Variants in TDRD3 observed in about 807,000 individuals in gnomAD.
TDRD3 encodes tudor domain-containing protein 3.
Under a neutral mutation model 86.7 loss-of-function variants are expected in TDRD3, and 45 were observed. The ratio of observed to expected loss-of-function variants is 0.52; its 90% CI spans 0.41 to 0.67. TDRD3 has a LOEUF of 0.67. TDRD3 is among the 30% of genes least tolerant of loss of function. The pLI, the probability that TDRD3 is intolerant of heterozygous loss-of-function variation, is 0.00. For missense variants in TDRD3, 814 were observed against 889.0 expected (o/e 0.92, Z 1.07); for synonymous variants, 298 against 301.7 (o/e 0.99, Z 0.13).
At chr13:60,538,311 T>A (rs941756787) in intron 12 of TDRD3, among the ~76,000 whole-genome samples, 3 of 152,032 alleles carry the variant, frequency 2.0e-5, no homozygotes, top group Non-Finnish European at 4.4e-5. Flanking sequence ...TAAATTCTAA[T>A]TATCTTCAAA....
chr13:60,563,614 C>A (rs1355071786), intron 12 of TDRD3, among the ~76,000 whole-genome samples: 2 of 152,182 alleles, frequency 1.3e-5, no homozygotes, highest in Admixed American at 6.5e-5. Flanking sequence ...AATAACAACT[C>A]CTTCCAGGGA....
intron 12 of TDRD3, among the ~76,000 whole-genome samples, chr13:60,559,339 G>A (rs1487477134): frequency 6.6e-6 from 1 of 152,146 alleles, no homozygotes; most frequent in Non-Finnish European, 1.5e-5. Flanking sequence ...TGCCAGTGCT[G>A]TGATATAGTA....
chr13:60,445,358 AAT>A (rs890876793), intron 3 of TDRD3, among the ~76,000 whole-genome samples: 2 of 152,216 alleles, frequency 1.3e-5, no homozygotes, highest in Non-Finnish European at 2.9e-5. Context: ...CTTTGTAAAT[AAT>A]TATATACGTG....
At chr13:60,505,368 T>C (rs769308282) in intron 8 of TDRD3, among the ~76,000 whole-genome samples, 5 of 152,228 alleles carry the variant, frequency 3.3e-5, no homozygotes, top group Non-Finnish European at 7.3e-5. Context: ...GCAAATCTGC[T>C]GTAGCCAGAC....
intron 12 of TDRD3, among the ~76,000 whole-genome samples, chr13:60,547,850 C>T (rs1042633775): frequency 6.6e-6 from 1 of 152,130 alleles, no homozygotes; most frequent in African/African-American, 2.4e-5. Context: ...TTAACCTTCC[C>T]ACTCTCACCT....
At chr13:60,480,201 C>A (rs553922723) in intron 5 of TDRD3, among the ~76,000 whole-genome samples, 1 of 152,078 alleles carries the variant, frequency 6.6e-6, no homozygotes, top group East Asian at 1.9e-4. Context: ...GTAATAAATC[C>A]CCTTAGCATT....
chr13:60,453,566 T>G (rs917105671), intron 3 of TDRD3, among the ~76,000 whole-genome samples: 22 of 152,170 alleles, frequency 1.4e-4, no homozygotes, highest in African/African-American at 4.6e-4. Flanking sequence ...GGAAGTGCAA[T>G]TCTAGAAAAG....
At chr13:60,538,345 C>A (rs1287486500) in intron 12 of TDRD3, among the ~76,000 whole-genome samples, 1 of 148,930 alleles carries the variant, frequency 6.7e-6, no homozygotes, top group African/African-American at 2.5e-5. Flanking sequence ...CTTTTGTTGT[C>A]ATCCCTGATT....
chr13:60,400,363 T>G (rs1954060543), intron 1 of TDRD3, among the ~76,000 whole-genome samples: 1 of 152,176 alleles, frequency 6.6e-6, no homozygotes, highest in Admixed American at 6.5e-5. Context: ...ATTTTGAATT[T>G]TTCTCTTCCA....
intron 10 of TDRD3, among the ~76,000 whole-genome samples, chr13:60,515,180 G>C (rs984977878): frequency 7.2e-5 from 11 of 152,304 alleles, no homozygotes; most frequent in Admixed American, 3.3e-4. Flanking sequence ...AATCAGATTT[G>C]ATCTGGTATA....
intron 6 of TDRD3, among the ~76,000 whole-genome samples, chr13:60,484,145 A>G (rs1956377383): frequency 1.3e-5 from 2 of 152,208 alleles, no homozygotes; most frequent in East Asian, 1.9e-4. Flanking sequence ...ATTCAAAAGT[A>G]AGAAGACAAA....
At chr13:60,493,775 A>G (rs1956655203) in intron 7 of TDRD3, among the ~76,000 whole-genome samples, 1 of 152,226 alleles carries the variant, frequency 6.6e-6, no homozygotes, top group Non-Finnish European at 1.5e-5. Context: ...AACCAATATT[A>G]TTTATGTCCT....
chr13:60,479,695 T>G (rs956948642), intron 5 of TDRD3, among the ~76,000 whole-genome samples: 1 of 152,242 alleles, frequency 6.6e-6, no homozygotes, highest in African/African-American at 2.4e-5. Flanking sequence ...GGTATATACA[T>G]ATTTAGGATA....
chr13:60,552,095 AG>A (rs1217420628), intron 12 of TDRD3, among the ~76,000 whole-genome samples: 2 of 152,228 alleles, frequency 1.3e-5, no homozygotes, highest in Admixed American at 1.3e-4. Flanking sequence ...TCTTCCCAAC[AG>A]TTCCCCAAAG....
At chr13:60,532,700 G>A in intron 11 of TDRD3, among the ~76,000 whole-genome samples, 1 of 152,060 alleles carries the variant, frequency 6.6e-6, no homozygotes, top group East Asian at 1.9e-4. Flanking sequence ...GGGAACTTCT[G>A]GAAAGTTCTT....
chr13:60,520,082 A>G (rs1957258004), intron 10 of TDRD3, among the ~76,000 whole-genome samples: 1 of 152,200 alleles, frequency 6.6e-6, no homozygotes, highest in Non-Finnish European at 1.5e-5. Context: ...TGAAACACCA[A>G]AAAATTAGTT....
chr13:60,459,541 T>G (rs2138048033), intron 3 of TDRD3, among the ~76,000 whole-genome samples: 1 of 152,324 alleles, frequency 6.6e-6, no homozygotes, highest in South Asian at 2.1e-4. Flanking sequence ...TCTTCAACTT[T>G]TTAGTTTTGG....
intron 1 of TDRD3, among the ~76,000 whole-genome samples, chr13:60,417,264 C>G (rs1954544957): frequency 6.6e-6 from 1 of 152,040 alleles, no homozygotes; most frequent in Non-Finnish European, 1.5e-5. Context: ...GCTTCTCCTG[C>G]CTCAGCCTCC....
intron 3 of TDRD3, among the ~76,000 whole-genome samples, chr13:60,451,797 T>C (rs1257971015): frequency 6.6e-6 from 1 of 152,186 alleles, no homozygotes; most frequent in Non-Finnish European, 1.5e-5. Context: ...TCTAATCTTG[T>C]GATTGTAAAA....
Sources: gnomAD v4.1 joint callset for allele counts (sites outside exome capture counted in the v4.1 genomes callset) on GRCh38, gnomAD v4.1.1 for gene constraint, MANE v1.5 for transcripts, NCBI Gene and HGNC (gene_info 2026-07-23, HGNC 2026-07-21) for gene names.